CLRN3: variants seen among roughly 807,000 people sequenced by gnomAD.
The protein encoded by CLRN3 is clarin-3.
CLRN3 carries 12 observed loss-of-function variants against 16.7 expected under a neutral mutation model. That is an observed-to-expected ratio of 0.72 (90% CI 0.46 to 1.16). The LOEUF is 1.16. Among genes scored for constraint, CLRN3 ranks in the 50% most tolerant of loss-of-function variants. The pLI is 0.00. For synonymous variants in CLRN3, 118 were observed against 113.0 expected (o/e 1.04, Z -0.28); for missense variants, 296 against 274.2 (o/e 1.08, Z -0.56).
At chr10:127,889,508 C>T (rs1474035759) in intron 1 of CLRN3, among the ~76,000 whole-genome samples, 2 of 152,020 alleles carry the variant, frequency 1.3e-5, no homozygotes, top group East Asian at 3.9e-4. Context: ...CCTGTAATCC[C>T]AGCTACTAGG....
intron 2 of CLRN3, 33 bp from the exon 3 acceptor site, chr10:127,878,453 G>T (rs1349345988): frequency 1.9e-6 from 3 of 1,609,744 alleles, no homozygotes; most frequent in South Asian, 2.2e-5. Context: ...TGCATGGCAT[G>T]GTGATACAGT....
intron 1 of CLRN3, among the ~76,000 whole-genome samples, chr10:127,891,609 T>C (rs1413222270): frequency 6.6e-6 from 1 of 152,172 alleles, no homozygotes; most frequent in Non-Finnish European, 1.5e-5. Flanking sequence ...CCAGGTTGCT[T>C]TGGATTTAAG....
At chr10:127,888,688 G>A (rs563675810) in intron 1 of CLRN3, among the ~76,000 whole-genome samples, 5 of 152,266 alleles carry the variant, frequency 3.3e-5, no homozygotes, top group South Asian at 2.1e-4. Flanking sequence ...TGACTCGGAC[G>A]CAGCACTCAA....
chr10:127,888,716 A>C (rs568359877), intron 1 of CLRN3, among the ~76,000 whole-genome samples: 1 of 152,086 alleles, frequency 6.6e-6, no homozygotes, highest in Non-Finnish European at 1.5e-5. Flanking sequence ...CCGGGAGCTG[A>C]GCTTTCCCTC....
At chr10:127,883,033 C>T (rs1452389239) in intron 2 of CLRN3, among the ~76,000 whole-genome samples, 2 of 152,322 alleles carry the variant, frequency 1.3e-5, no homozygotes, top group South Asian at 2.1e-4. Context: ...CGCTTCCCAT[C>T]TGGGCTCCAT....
intron 1 of CLRN3, among the ~76,000 whole-genome samples, chr10:127,889,127 T>C (rs1845230347): frequency 6.6e-6 from 1 of 152,080 alleles, no homozygotes; most frequent in Non-Finnish European, 1.5e-5. Flanking sequence ...CATAATAAAG[T>C]CCATCCTGGG....
Position 127,878,290 on chromosome 10 carries a change from C to T in CLRN3, c.540G>A (p.Ser180=), listed in dbSNP as rs1326547005. The T allele has an allele frequency of 8.1e-6, 13 of 1,614,034 alleles. No homozygotes were observed. The highest frequency in any genetic ancestry group is 3.3e-5 in the Admixed American group (2 of 59,996). ...SKGTTHSYGY[S]FWLILLVILL... ...GAATGACGAGCAGTATGAGCCAGAACGAGTATCCGTAACTGTGGGTCGTTC... is the reference window on the plus strand; with the variant it reads ...GAATGACGAGCAGTATGAGCCAGAATGAGTATCCGTAACTGTGGGTCGTTC... Residue 180 remains serine, a synonymous_variant, in exon 3 of 3, where the codon TCG becomes TCA. Transcript: ENST00000368671.
chr10:127,878,020 G>T lies in CLRN3; in HGVS notation c.*129C>A. On this transcript the variant is annotated 3_prime_UTR_variant, in exon 3 of 3. Coordinates refer to ENST00000368671, the MANE Select transcript of CLRN3 (RefSeq NM_152311.5). Reference sequence around the variant, plus strand: ...GTACAGCATCAATGAAGAACACAGTGTCATGAAACACAAATGCTGTCACAG... The same window carrying T: ...GTACAGCATCAATGAAGAACACAGTTTCATGAAACACAAATGCTGTCACAG... The T allele has an allele frequency of 8.5e-7, 1 of 1,173,690 alleles. No individual in the cohort carries two copies. The highest frequency in any genetic ancestry group is 1.2e-6 in the Non-Finnish European group (1 of 836,194). The allele number at this position is 1,173,690 out of a possible 1,614,324, so 72.7% of individuals were successfully genotyped here. A position where few individuals can be genotyped will look rare whatever the true frequency, so the allele number is the denominator to read the frequency against.
chr10:127,881,846 G>A lies in CLRN3; in HGVS notation c.409+1850C>T, dbSNP rs1845132025. 1.3e-5 allele frequency among the ~76,000 whole-genome samples: 2 copies of A among 152,226 alleles called. 1 individual carries two copies. Among genetic ancestry groups the A allele is most frequent in the South Asian group, 4.1e-4 (2 of 4,838 alleles). On this transcript the variant is annotated intron_variant, in intron 2 of 2. Coordinates refer to ENST00000368671, the MANE Select transcript of CLRN3 (RefSeq NM_152311.5). ...TGATCTGGCCAATTAATGAATGATG[G>A]AGTCAACGCTGAGGATTTCAATAGA...
chr10:127,887,169 C>G (rs1182173918), intron 1 of CLRN3, among the ~76,000 whole-genome samples: 2 of 152,200 alleles, frequency 1.3e-5, no homozygotes, highest in Admixed American at 6.5e-5. Context: ...AGGAAAAAAT[C>G]TACAGCACGT....
At chr10:127,891,221 C>G (rs1845254570) in intron 1 of CLRN3, among the ~76,000 whole-genome samples, 1 of 152,346 alleles carries the variant, frequency 6.6e-6, no homozygotes, top group East Asian at 1.9e-4. Context: ...CAGGTCCTGA[C>G]ACATCCTGGC....
intron 2 of CLRN3, 127 bp from the exon 3 acceptor site, chr10:127,878,547 C>G: frequency 3.0e-6 from 4 of 1,338,776 alleles, no homozygotes; most frequent in South Asian, 1.5e-5. Flanking sequence ...CTTTTAAGCA[C>G]TAGGGAGAAG....
intron 1 of CLRN3, among the ~76,000 whole-genome samples, chr10:127,889,585 C>A (rs568887249): frequency 1.7e-4 from 26 of 152,262 alleles, no homozygotes; most frequent in African/African-American, 6.3e-4. Flanking sequence ...GATGGCGCCA[C>A]TGCACTCCAG....
Position 127,892,831 on chromosome 10 carries a change from T to G in CLRN3, c.-47A>C. Reference sequence around the variant, plus strand: ...CTAGGACAAAAAAAGGAATATCTTCTTATAACACTTTTGAACCTTATCTTT... The same window carrying G: ...CTAGGACAAAAAAAGGAATATCTTCGTATAACACTTTTGAACCTTATCTTT... On this transcript the variant is annotated 5_prime_UTR_variant, in exon 1 of 3. Transcript: ENST00000368671. 9.1e-7 allele frequency: 1 copy of G among 1,097,778 alleles called. No homozygotes were observed. Among genetic ancestry groups the G allele is most frequent in the Non-Finnish European group, 1.4e-6 (1 of 724,614 alleles). 68.0% of individuals were successfully genotyped at this position (1,097,778 alleles called of 1,614,324 possible).
Position 127,878,012 on chromosome 10 carries a change from AAC to A in CLRN3, c.*135_*136del. On this transcript the variant is annotated 3_prime_UTR_variant, in exon 3 of 3. Transcript: ENST00000368671. ...TTTCAGGAGTACAGCATCAATGAAGAACACAGTGTCATGAAACACAAATGCTG... is the reference window on the plus strand; with the variant it reads ...TTTCAGGAGTACAGCATCAATGAAGAACAGTGTCATGAAACACAAATGCTG... 1.8e-6 allele frequency: 2 copies of A among 1,092,640 alleles called. No individual in the cohort carries two copies. Among genetic ancestry groups the A allele is most frequent in the Non-Finnish European group, 2.6e-6 (2 of 770,344 alleles). The allele number at this position is 1,092,640 out of a possible 1,614,324, so 67.7% of individuals were successfully genotyped here.
chr10:127,887,366 C>T (rs1224914352), intron 1 of CLRN3, among the ~76,000 whole-genome samples: 1 of 152,052 alleles, frequency 6.6e-6, no homozygotes, highest in Non-Finnish European at 1.5e-5. Flanking sequence ...TGTCCAAGGC[C>T]CCTGAAGTGG....
intron 2 of CLRN3, among the ~76,000 whole-genome samples, chr10:127,881,582 C>T (rs543390342): frequency 2.3e-4 from 35 of 152,266 alleles, no homozygotes; most frequent in Admixed American, 1.8e-3. Context: ...GGGGAAGGGC[C>T]GATTCCAGCC....
chr10:127,885,831 C>T (rs1201204200), intron 1 of CLRN3, among the ~76,000 whole-genome samples: 1 of 152,094 alleles, frequency 6.6e-6, no homozygotes, highest in Non-Finnish European at 1.5e-5. Context: ...TCTCGGCTCA[C>T]CCCAACCTCC....
At chr10:127,888,062 T>A (rs562479402) in intron 1 of CLRN3, among the ~76,000 whole-genome samples, 1 of 152,230 alleles carries the variant, frequency 6.6e-6, no homozygotes. Flanking sequence ...CCACTTGCCA[T>A]CTGCCTTTTG....
Sources: gnomAD v4.1 joint callset for allele counts (sites outside exome capture counted in the v4.1 genomes callset) on GRCh38, gnomAD v4.1.1 for gene constraint, MANE v1.5 for transcripts, NCBI Gene and HGNC (gene_info 2026-07-23, HGNC 2026-07-21) for gene names.